The following CPSF2 variants were observed in gnomAD, a reference collection of about 807,000 sequenced individuals.
CPSF2 encodes cleavage and polyadenylation specificity factor subunit 2.
A neutral mutation model predicts 84.2 loss-of-function variants in CPSF2; 51 were observed. The ratio of observed to expected loss-of-function variants is 0.61; its 90% CI spans 0.48 to 0.77. CPSF2 has a LOEUF of 0.77. Among genes scored for constraint, CPSF2 ranks in the 30% least tolerant of loss-of-function variants. The pLI, the probability that CPSF2 is intolerant of heterozygous loss-of-function variation, is 0.00. For synonymous variants in CPSF2, 286 were observed against 311.9 expected (o/e 0.92, Z 0.87); for missense variants, 641 against 929.4 (o/e 0.69, Z 4.03).
In CPSF2 at chr14:92,132,974, C is replaced by T. The variant is rs916806486; in HGVS notation, c.150-1037C>T. 4.0e-5 allele frequency among the ~76,000 whole-genome samples: 6 copies of T among 151,890 alleles called. 1 individual carries two copies. The highest frequency in any genetic ancestry group is 3.3e-4 in the Admixed American group (5 of 15,250). On this transcript the variant is annotated intron_variant, in intron 3 of 15. Transcript: ENST00000298875. ...GGTGTGGTGGTAGACACCTGTAATC[C>T]CAGCTACTCAGGAGGCTGAGGCAGG...
At position 92,165,866 on chromosome 14, in the gene CPSF2, T is replaced by TTTTTTTTTTA. The variant is rs2069439767; in HGVS notation, c.*4131_*4132insATTTTTTTTT. On this transcript the variant is annotated 3_prime_UTR_variant, in exon 16 of 16. Transcript: ENST00000298875. Reference sequence around the variant, plus strand: ...CTTGGTTTTATATCTTTTTTTTTTTTTTTTTTTTTTTTTGAGATGGAGTCT... The same window carrying TTTTTTTTTTA: ...CTTGGTTTTATATCTTTTTTTTTTTTTTTTTTTTTATTTTTTTTTTTTTGAGATGGAGTCT... 8.4e-6 allele frequency: 1 copy of TTTTTTTTTTA among 118,494 alleles called. No homozygotes were observed. Among genetic ancestry groups the TTTTTTTTTTA allele is most frequent in the African/African-American group, 3.4e-5 (1 of 29,240 alleles). 7.3% of individuals were successfully genotyped at this position (118,494 alleles called of 1,614,324 possible). A position where few individuals can be genotyped will look rare whatever the true frequency, so the allele number is the denominator to read the frequency against.
intron 1 of CPSF2, among the ~76,000 whole-genome samples, chr14:92,123,573 G>GT (rs1184437079): frequency 1.3e-5 from 2 of 151,804 alleles, no homozygotes; most frequent in Non-Finnish European, 2.9e-5. Context: ...ACTTTTTTGT[G>GT]TTTTTAGTAG....
At position 92,122,028 on chromosome 14, in the gene CPSF2, C is replaced by T. The variant is rs1471407536; in HGVS notation, c.-194C>T. On this transcript the variant is annotated 5_prime_UTR_variant, in exon 1 of 16. Transcript: ENST00000298875. ...GTGGGGCTTCTGCCGGCCGGTAGTCCCTGGCGCTGCTGACCCAGCATCGGC... is the reference window on the plus strand; with the variant it reads ...GTGGGGCTTCTGCCGGCCGGTAGTCTCTGGCGCTGCTGACCCAGCATCGGC... 1.8e-5 allele frequency: 11 copies of T among 598,456 alleles called. No homozygotes were observed. The highest frequency in any genetic ancestry group is 2.9e-5 in the Non-Finnish European group (10 of 339,796). 37.1% of individuals were successfully genotyped at this position (598,456 alleles called of 1,614,324 possible).
In CPSF2 at chr14:92,143,080, C is replaced by T; in HGVS notation, c.926C>T (p.Ser309Phe). 6.2e-7 allele frequency: 1 copy of T among 1,614,060 alleles called. No individual in the cohort carries two copies. The highest frequency in any genetic ancestry group is 8.5e-7 in the Non-Finnish European group (1 of 1,179,928). Residue 309 changes from serine to phenylalanine, a missense_variant, in exon 9 of 16, where the codon TCT becomes TTT. Coordinates refer to ENST00000298875, the MANE Select transcript of CPSF2 (RefSeq NM_017437.3). ...RNNPFQFRHL[S>F]LCHGLSDLAR... ...AATCCGTTTCAGTTTCGCCATCTCT[C>T]TTTATGTCATGGTCTTTCTGACTTG...
chr14:92,142,830 G>A (rs190343381), intron 8 of CPSF2, among the ~76,000 whole-genome samples, 174 bp from the exon 9 acceptor site: 40 of 152,246 alleles, frequency 2.6e-4, no homozygotes, highest in African/African-American at 8.9e-4. Flanking sequence ...TGAAAGTGAG[G>A]GTGGGATAAT....
intron 11 of CPSF2, among the ~76,000 whole-genome samples, chr14:92,155,938 CAT>C (rs2069283700): frequency 6.6e-6 from 1 of 152,004 alleles, no homozygotes; most frequent in African/African-American, 2.4e-5. Flanking sequence ...ACTGCAATCA[CAT>C]GTTGTAATTG....
intron 9 of CPSF2, among the ~76,000 whole-genome samples, chr14:92,152,349 G>A (rs1233614554): frequency 1.3e-5 from 2 of 151,846 alleles, no homozygotes; most frequent in African/African-American, 4.8e-5. Flanking sequence ...GGCTTGTCTC[G>A]AATTCCCGAC....
chr14:92,159,380 G>A (rs1324788661), intron 14 of CPSF2, 98 bp downstream of exon 14: 2 of 901,398 alleles, frequency 2.2e-6, no homozygotes, highest in East Asian at 2.5e-5. Context: ...AAACTAAGTG[G>A]GTCTGTGGAA....
intron 15 of CPSF2, 55 bp from the exon 16 acceptor site, chr14:92,161,597 C>T: frequency 8.1e-7 from 1 of 1,234,422 alleles, no homozygotes. Context: ...GTTATTATGT[C>T]TGCATATTAA....
At chr14:92,158,236 G>A (rs1034769703) in intron 13 of CPSF2, among the ~76,000 whole-genome samples, 1 of 152,142 alleles carries the variant, frequency 6.6e-6, no homozygotes, top group Admixed American at 6.5e-5. Flanking sequence ...TAGGCAGAGG[G>A]AACCATATTT....
chr14:92,151,332 G>C lies in CPSF2; in HGVS notation c.1141-3026G>C, dbSNP rs549634066. Among the ~76,000 whole-genome samples, 170 of 152,094 alleles carry C rather than the reference G, an allele frequency of 1.1e-3. 1 individual carries two copies. The highest frequency in any genetic ancestry group is 2.1e-3 in the Non-Finnish European group (143 of 68,008). On this transcript the variant is annotated intron_variant, in intron 9 of 15. Coordinates refer to ENST00000298875, the MANE Select transcript of CPSF2 (RefSeq NM_017437.3). ...TGCTTGAACCTGGGAGTTCGAGGCT[G>C]CAGTGAGCAGTGATCATGCCACTGC...
rs904047016 is a variant in CPSF2, at chr14:92,162,841, T to C, written c.*1097T>C. On this transcript the variant is annotated 3_prime_UTR_variant, in exon 16 of 16. Coordinates refer to ENST00000298875, the MANE Select transcript of CPSF2 (RefSeq NM_017437.3). The stretch of plus-strand genomic sequence containing the variant: ...AAAACCATGTAAACTATTGAAACTA[T>C]TGTAATCCATTAATGCTTTTTTAGA... 6.6e-6 allele frequency: 1 copy of C among 152,230 alleles called. No individual in the cohort carries two copies. Among genetic ancestry groups the C allele is most frequent in the Non-Finnish European group, 1.5e-5 (1 of 68,036 alleles). The allele number at this position is 152,230 out of a possible 1,614,324, so 9.4% of individuals were successfully genotyped here.
At position 92,157,519 on chromosome 14, in the gene CPSF2, A is replaced by G; in HGVS notation, c.1596-140A>G. On this transcript the variant is annotated intron_variant, in intron 12 of 15. Transcript: ENST00000298875. This position sits in a 1 kb window ranked among gnomAD's most constrained non-coding sequence, Gnocchi z 4.0. ...GAGACCCAATCTCAGAAAAATAAAAACAAAAATAAAATAAATCATACAGAT... is the reference window on the plus strand; with the variant it reads ...GAGACCCAATCTCAGAAAAATAAAAGCAAAAATAAAATAAATCATACAGAT... 1 of 654,534 alleles carries G rather than the reference A, an allele frequency of 1.5e-6. No homozygotes were observed. Among genetic ancestry groups the G allele is most frequent in the Non-Finnish European group, 2.6e-6 (1 of 384,346 alleles). The allele number at this position is 654,534 out of a possible 1,614,324, so 40.5% of individuals were successfully genotyped here. A position where few individuals can be genotyped will look rare whatever the true frequency, so the allele number is the denominator to read the frequency against.
intron 8 of CPSF2, 120 bp from the exon 9 acceptor site, chr14:92,142,884 G>T: frequency 1.2e-6 from 1 of 852,064 alleles, no homozygotes. Flanking sequence ...TGTCAAAACA[G>T]TACAAATTTA....
intron 7 of CPSF2, among the ~76,000 whole-genome samples, chr14:92,141,087 T>C (rs1595057731): frequency 1.3e-5 from 2 of 152,290 alleles, no homozygotes; most frequent in Middle Eastern, 3.4e-3. Flanking sequence ...TAGGCATACA[T>C]ACATACAAAC....
Position 92,157,946 on chromosome 14 carries a change from GATAAC to G in CPSF2, c.1821+65_1821+69del, listed in dbSNP as rs138777054. The G allele has an allele frequency of 2.8e-3, 3,201 of 1,140,340 alleles. 69 individuals are homozygous for G. In the African/African-American group the frequency reaches 0.042, roughly 15 times the overall value. The allele number at this position is 1,140,340 out of a possible 1,614,324, so 70.6% of individuals were successfully genotyped here. ...GTACTTTTTGTTGCAGGTTAGGACA[GATAAC>G]ATTAGAAATACCGAGATGTGTGAGA... On this transcript the variant is annotated intron_variant, in intron 13 of 15. Coordinates refer to ENST00000298875, the MANE Select transcript of CPSF2 (RefSeq NM_017437.3). This position sits in a 1 kb window ranked among gnomAD's most constrained non-coding sequence, Gnocchi z 4.0.
chr14:92,154,111 A>G (rs935558729), intron 9 of CPSF2: 1 of 288,432 alleles, frequency 3.5e-6, no homozygotes, highest in Non-Finnish European at 6.6e-6. Context: ...GGTGTGAGCT[A>G]CTGTGCCTGG....
At chr14:92,134,635 C>T (rs1485228922) in intron 5 of CPSF2, among the ~76,000 whole-genome samples, 1 of 152,088 alleles carries the variant, frequency 6.6e-6, no homozygotes, top group Non-Finnish European at 1.5e-5. Context: ...ATAATGTGGC[C>T]ATTTCCTCTT....
chr14:92,150,279 T>C (rs371259907), intron 9 of CPSF2, among the ~76,000 whole-genome samples: 59 of 151,756 alleles, frequency 3.9e-4, no homozygotes, highest in Middle Eastern at 3.4e-3. Context: ...GTTGCCCAGC[T>C]AATTTTTTTT....
Sources: gnomAD v4.1 joint callset for allele counts (sites outside exome capture counted in the v4.1 genomes callset) on GRCh38, gnomAD v4.1.1 for gene constraint, Gnocchi (gnomAD v3.1) non-coding constraint, MANE v1.5 for transcripts, NCBI Gene and HGNC (gene_info 2026-07-23, HGNC 2026-07-21) for gene names.